Variants in KCNG3 observed in about 807,000 individuals in gnomAD.
The protein encoded by KCNG3 is potassium voltage-gated channel modifier subfamily G member 3.
In KCNG3, 15 loss-of-function variants were observed where a neutral mutation model predicts 29.0. The observed-to-expected ratio is 0.52, with a 90% CI of 0.35 to 0.80. KCNG3 has a LOEUF of 0.80. KCNG3 is among the 30% of genes least tolerant of loss of function. The pLI is 0.01. For synonymous variants in KCNG3, 322 were observed against 248.9 expected, an observed-to-expected ratio of 1.29 and a Z score of -2.76; for missense variants, 512 against 605.7, an observed-to-expected ratio of 0.85 and a Z score of 1.62.
At chr2:42,416,801 G>A in the KCNG3 span, among the ~76,000 whole-genome samples, 2 of 150,060 alleles carry the variant, frequency 1.3e-5, no homozygotes, top group East Asian at 3.9e-4. Context: ...CTGGGTGACA[G>A]AGTGAGTCCC....
At chr2:42,447,690 C>T (rs933478838) in intron 1 of KCNG3, among the ~76,000 whole-genome samples, 1 of 150,176 alleles carries the variant, frequency 6.7e-6, no homozygotes, top group South Asian at 2.1e-4. Flanking sequence ...AATTTTTTTT[C>T]TTTTTTTTTC....
chr2:42,390,652 G>A, the KCNG3 span, among the ~76,000 whole-genome samples: 1 of 152,206 alleles, frequency 6.6e-6, no homozygotes, highest in African/African-American at 2.4e-5. Flanking sequence ...TTTTGATCAT[G>A]TGGACTTATT....
At chr2:42,478,048 G>A (rs1353773066) in intron 1 of KCNG3, among the ~76,000 whole-genome samples, 3 of 152,060 alleles carry the variant, frequency 2.0e-5, no homozygotes, top group African/African-American at 4.8e-5. Flanking sequence ...CTTTACCACA[G>A]GCACGTTCTC....
At chr2:42,477,304 C>T (rs1472425654) in intron 1 of KCNG3, among the ~76,000 whole-genome samples, 3 of 148,140 alleles carry the variant, frequency 2.0e-5, no homozygotes, top group African/African-American at 7.5e-5. Context: ...CAGAAAGGGA[C>T]GATACATTAA....
chr2:42,479,000 C>G (rs1318632039), intron 1 of KCNG3, among the ~76,000 whole-genome samples: 4 of 149,688 alleles, frequency 2.7e-5, no homozygotes, highest in African/African-American at 9.9e-5. Flanking sequence ...TGCATAATAC[C>G]ACTTGAGTAT....
chr2:42,484,515 T>C (rs1673672909), intron 1 of KCNG3, among the ~76,000 whole-genome samples: 1 of 152,172 alleles, frequency 6.6e-6, no homozygotes, highest in African/African-American at 2.4e-5. Context: ...TGTGTATATA[T>C]ATGTAATTGT....
chr2:42,476,341 G>A (rs1035650639), intron 1 of KCNG3, among the ~76,000 whole-genome samples: 1 of 151,884 alleles, frequency 6.6e-6, no homozygotes, highest in South Asian at 2.1e-4. Context: ...GCCAGGTACA[G>A]TGGCACAGGC....
the KCNG3 span, among the ~76,000 whole-genome samples, chr2:42,390,674 T>C: frequency 6.6e-6 from 1 of 152,192 alleles, no homozygotes; most frequent in Non-Finnish European, 1.5e-5. Flanking sequence ...CTCACCTTTC[T>C]CAGAACTGTC....
rs556346669 is a variant in KCNG3, at chr2:42,493,463, C to A, written c.39G>T (p.Leu13=). Residue 13 remains leucine (L), a synonymous_variant, in exon 1 of 2, where the codon CTG becomes CTT. Coordinates refer to ENST00000306078, the MANE Select transcript of KCNG3 (RefSeq NM_133329.6). The part of the protein sequence containing the change: ...FGRSGAASVV[L]NVGGARYSLS... Reference sequence around the variant, plus strand: ...GCGAATACCGGGCGCCGCCCACGTTCAGCACCACCGAGGCCGCCCCGCTGC... The same window carrying A: ...GCGAATACCGGGCGCCGCCCACGTTAAGCACCACCGAGGCCGCCCCGCTGC... 4.1e-6 allele frequency: 6 copies of A among 1,457,292 alleles called. No homozygotes were observed. The East Asian group carries it at 1.5e-4, about 36-fold the overall frequency. The allele number at this position is 1,457,292 out of a possible 1,614,324, so 90.3% of individuals were successfully genotyped here. A position where few individuals can be genotyped will look rare whatever the true frequency, so the allele number is the denominator to read the frequency against.
Position 42,493,121 on chromosome 2 carries a change from G to A in KCNG3, c.381C>T (p.Tyr127=), listed in dbSNP as rs1263484296. 1.9e-6 allele frequency: 3 copies of A among 1,599,606 alleles called. No homozygotes were observed. Among genetic ancestry groups the A allele is most frequent in the East Asian group, 4.5e-5 (2 of 44,522 alleles). The part of the protein sequence containing the change: ...DDRMSDTYTF[Y]SADEPGVLGR... ...CCAGCACGCCCGGCTCGTCGGCCGAGTAGAAGGTGTAGGTGTCGGACATGC... is the reference window on the plus strand; with the variant it reads ...CCAGCACGCCCGGCTCGTCGGCCGAATAGAAGGTGTAGGTGTCGGACATGC... Residue 127 remains tyrosine, a synonymous_variant, in exon 1 of 2, where the codon TAC becomes TAT. Transcript: ENST00000306078.
At chr2:42,484,695 T>C (rs1673678885) in intron 1 of KCNG3, among the ~76,000 whole-genome samples, 1 of 152,196 alleles carries the variant, frequency 6.6e-6, no homozygotes, top group Non-Finnish European at 1.5e-5. Context: ...ATGAAGAAAG[T>C]TCTAATTTTA....
At chr2:42,486,858 G>C (rs956126421) in intron 1 of KCNG3, among the ~76,000 whole-genome samples, 2 of 152,070 alleles carry the variant, frequency 1.3e-5, no homozygotes, top group African/African-American at 4.8e-5. Context: ...TTGATGAATG[G>C]TTAGAATTCA....
At chr2:42,455,293 G>A (rs1046978410) in intron 1 of KCNG3, among the ~76,000 whole-genome samples, 20 of 152,232 alleles carry the variant, frequency 1.3e-4, no homozygotes, top group African/African-American at 3.4e-4. Flanking sequence ...CACACTACCC[G>A]TGGGGTCAAT....
the KCNG3 span, among the ~76,000 whole-genome samples, chr2:42,423,492 C>A: frequency 1.3e-5 from 2 of 152,198 alleles, no homozygotes; most frequent in African/African-American, 4.8e-5. Context: ...CTGCACTTAC[C>A]CAACCAAGTG....
chr2:42,423,704 TTTATTAC>T, the KCNG3 span, among the ~76,000 whole-genome samples: 14 of 152,134 alleles, frequency 9.2e-5, no homozygotes, highest in Admixed American at 6.5e-5. Context: ...TCTTCAATGT[TTTATTAC>T]TGGTCACTTT....
chr2:42,492,103 C>A (rs1348023870), intron 1 of KCNG3, among the ~76,000 whole-genome samples: 1 of 152,138 alleles, frequency 6.6e-6, no homozygotes, highest in Admixed American at 6.5e-5. Context: ...AAAAAATTTA[C>A]CCAAATACTG....
chr2:42,394,263 T>C, the KCNG3 span, among the ~76,000 whole-genome samples: 1 of 152,114 alleles, frequency 6.6e-6, no homozygotes, highest in East Asian at 1.9e-4. Context: ...CAACAAAAAC[T>C]GCTAAAAAGG....
At chr2:42,436,166 A>G in the KCNG3 span, among the ~76,000 whole-genome samples, 2 of 152,214 alleles carry the variant, frequency 1.3e-5, no homozygotes, top group African/African-American at 4.8e-5. Context: ...GATTCCATTT[A>G]TATGAAATGT....
the KCNG3 span, among the ~76,000 whole-genome samples, chr2:42,429,997 T>C: frequency 6.6e-6 from 1 of 152,198 alleles, no homozygotes; most frequent in African/African-American, 2.4e-5. Context: ...AATGAGTCTA[T>C]AAATACAGAG....
Sources: allele counts gnomAD v4.1 joint callset (sites outside exome capture counted in the v4.1 genomes callset), GRCh38; gene constraint gnomAD v4.1.1; transcripts MANE v1.5; gene names NCBI Gene and HGNC (gene_info 2026-07-23, HGNC 2026-07-21).